The following KCNA6 variants were observed in gnomAD, a reference collection of about 807,000 sequenced individuals.
KCNA6 encodes the protein potassium voltage-gated channel subfamily A member 6.
Under a neutral mutation model 29.5 loss-of-function variants are expected in KCNA6, and 17 were observed. The observed-to-expected ratio is 0.58, with a 90% confidence interval of 0.39 to 0.86. The LOEUF is 0.86. Among genes scored for constraint, KCNA6 ranks in the 40% least tolerant of loss-of-function variants. KCNA6 has a pLI of 0.00. For missense variants in KCNA6, 450 were observed against 703.4 expected (o/e 0.64, Z 4.07); for synonymous variants, 296 against 304.7 (o/e 0.97, Z 0.30).
downstream of KCNA6, among the ~76,000 whole-genome samples, chr12:4,816,034 G>A (rs10774268): frequency 0.32 from 47,934 of 151,956 alleles, 7,984 homozygotes; most frequent in East Asian, 0.53. Flanking sequence ...TCATTGAATT[G>A]TGAAAAAAAA....
chr12:4,827,297 A>G, the KCNA6 span, among the ~76,000 whole-genome samples: 8 of 124,024 alleles, frequency 6.5e-5, no homozygotes, highest in African/African-American at 2.5e-4. Flanking sequence ...CTTCCTTTCT[A>G]TTTTTCTTAG....
chr12:4,820,494 C>A, the KCNA6 span, among the ~76,000 whole-genome samples: 1 of 150,728 alleles, frequency 6.6e-6, no homozygotes, highest in East Asian at 2.0e-4. Context: ...AATTTTCTAA[C>A]TCCAACTCCA....
the KCNA6 span, among the ~76,000 whole-genome samples, chr12:4,841,801 G>A: frequency 1.3e-5 from 2 of 152,088 alleles, no homozygotes; most frequent in Admixed American, 6.5e-5. Flanking sequence ...AAAAACATGC[G>A]ATCTCCAAGT....
chr12:4,840,753 C>G, the KCNA6 span, among the ~76,000 whole-genome samples: 1 of 152,210 alleles, frequency 6.6e-6, no homozygotes, highest in Non-Finnish European at 1.5e-5. Context: ...TGTGGCATAG[C>G]CCAAGCTCTG....
chr12:4,810,467 C>A lies in KCNA6; in HGVS notation c.426C>A (p.Pro142=). Reference sequence around the variant, plus strand: ...TCCGGGAGGACGAGGGCTGCCTGCCCGAAGGTGGCGAGGACGAGAAGCCGC... The same window carrying A: ...TCCGGGAGGACGAGGGCTGCCTGCCAGAAGGTGGCGAGGACGAGAAGCCGC... Residue 142 remains proline, a synonymous_variant, in exon 1 of 1, where the codon CCC becomes CCA. Coordinates refer to ENST00000280684, the Ensembl canonical transcript of KCNA6. This position sits in a 1 kb window ranked among gnomAD's most constrained non-coding sequence, Gnocchi z 7.5. 6.2e-7 allele frequency: 1 copy of A among 1,614,084 alleles called. No homozygotes were observed. Among genetic ancestry groups the A allele is most frequent in the Non-Finnish European group, 8.5e-7 (1 of 1,180,010 alleles).
the KCNA6 span, among the ~76,000 whole-genome samples, chr12:4,842,100 C>A: frequency 6.8e-6 from 1 of 146,126 alleles, no homozygotes; most frequent in Admixed American, 7.0e-5. Context: ...AGATGTTAAT[C>A]CATTAAGCCC....
At chr12:4,819,786 A>G in the KCNA6 span, among the ~76,000 whole-genome samples, 1 of 152,216 alleles carries the variant, frequency 6.6e-6, no homozygotes, top group Non-Finnish European at 1.5e-5. Context: ...GAGTTGGAGA[A>G]TTGGTCTGAA....
At chr12:4,846,544 A>ACTGAACATCTTCTTTTTC in the KCNA6 span, among the ~76,000 whole-genome samples, 1 of 152,254 alleles carries the variant, frequency 6.6e-6, no homozygotes, top group African/African-American at 2.4e-5. Flanking sequence ...TTCTGGAGTT[A>ACTGAACATCTTCTTTTTC]CTGAACATCT....
chr12:4,811,079 G>T lies in KCNA6; in HGVS notation c.1038G>T (p.Leu346=), dbSNP rs757378869. 7.4e-6 allele frequency: 12 copies of T among 1,613,854 alleles called. No homozygotes were observed. Among genetic ancestry groups the T allele is most frequent in the Non-Finnish European group, 1.0e-5 (12 of 1,179,866 alleles). The change falls in exon 1 of 1, where the codon CTG becomes CTT. Residue 346 remains leucine (L), a synonymous_variant. Transcript: ENST00000280684. This position sits in a 1 kb window ranked among gnomAD's most constrained non-coding sequence, Gnocchi z 7.1. ...TGGCCATCCTCCGAGTCATCCGCCT[G>T]GTCCGGGTGTTCCGCATCTTCAAGC...
At chr12:4,848,418 A>G in the KCNA6 span, among the ~76,000 whole-genome samples, 1 of 151,406 alleles carries the variant, frequency 6.6e-6, no homozygotes, top group Non-Finnish European at 1.5e-5. Flanking sequence ...TAATATTTTC[A>G]TCCACTATTC....
the KCNA6 span, among the ~76,000 whole-genome samples, chr12:4,836,510 G>A: frequency 6.6e-6 from 1 of 152,138 alleles, no homozygotes; most frequent in Non-Finnish European, 1.5e-5. Context: ...TAAAAGAAAT[G>A]GCTTGAACAA....
chr12:4,811,244 T>C lies in KCNA6; in HGVS notation c.1203T>C (p.Asp401=). Residue 401 remains aspartate (D), a synonymous_variant, in exon 1 of 1, where the codon GAT becomes GAC. Coordinates refer to ENST00000280684, the Ensembl canonical transcript of KCNA6. The surrounding 1 kb of genome is among the most constrained non-coding windows in gnomAD (Gnocchi z 7.1). ...CCGTCTACTTCGCAGAGGCTGACGA[T>C]GACGATTCGCTTTTTCCCAGCATCC... The C allele has an allele frequency of 6.2e-7, 1 of 1,614,252 alleles. No individual in the cohort carries two copies. The highest frequency in any genetic ancestry group is 8.5e-7 in the Non-Finnish European group (1 of 1,180,044).
At chr12:4,836,441 C>G in the KCNA6 span, among the ~76,000 whole-genome samples, 3 of 152,144 alleles carry the variant, frequency 2.0e-5, no homozygotes, top group Admixed American at 2.0e-4. Flanking sequence ...GGAATTAACA[C>G]TTCAGCAGGG....
the KCNA6 span, among the ~76,000 whole-genome samples, chr12:4,850,199 C>T: frequency 1.3e-4 from 20 of 152,236 alleles, no homozygotes; most frequent in South Asian, 1.7e-3. The surrounding 1 kb of genome is among the most constrained non-coding windows in gnomAD (Gnocchi z 5.4). Context: ...GAGAACATTC[C>T]GGCATGGTAG....
the KCNA6 span, among the ~76,000 whole-genome samples, chr12:4,841,020 G>C: frequency 6.6e-6 from 1 of 152,186 alleles, no homozygotes; most frequent in Non-Finnish European, 1.5e-5. Flanking sequence ...ATATAGTCCT[G>C]ATAAGCAGGA....
chr12:4,843,326 A>G, the KCNA6 span, among the ~76,000 whole-genome samples: 7 of 151,614 alleles, frequency 4.6e-5, no homozygotes, highest in East Asian at 2.0e-4. Flanking sequence ...GACTACAGGC[A>G]CCCGCCACCA....
At chr12:4,823,818 C>T in the KCNA6 span, among the ~76,000 whole-genome samples, 2 of 152,130 alleles carry the variant, frequency 1.3e-5, no homozygotes, top group African/African-American at 4.8e-5. Context: ...GAAAATCTAT[C>T]ATAATCTCTC....
the KCNA6 span, among the ~76,000 whole-genome samples, chr12:4,850,027 G>T: frequency 6.6e-6 from 1 of 152,222 alleles, no homozygotes; most frequent in Admixed American, 6.5e-5. The surrounding 1 kb of genome is among the most constrained non-coding windows in gnomAD (Gnocchi z 5.4). Flanking sequence ...TTAAACACAG[G>T]ACTTCGGGCA....
chr12:4,843,336 A>G, the KCNA6 span, among the ~76,000 whole-genome samples: 1 of 151,714 alleles, frequency 6.6e-6, no homozygotes, highest in African/African-American at 2.4e-5. Flanking sequence ...ACCCGCCACC[A>G]CGCCCGGCTA....
Sources: allele counts gnomAD v4.1 joint callset (sites outside exome capture counted in the v4.1 genomes callset), GRCh38; gene constraint gnomAD v4.1.1; non-coding constraint Gnocchi (gnomAD v3.1); transcripts MANE v1.5; gene names NCBI Gene and HGNC (gene_info 2026-07-23, HGNC 2026-07-21).